PDE7B: variants seen among roughly 807,000 people sequenced by gnomAD.
PDE7B encodes the protein phosphodiesterase 7B.
In PDE7B, 29 loss-of-function variants were observed where a neutral mutation model predicts 56.2. That is an observed-to-expected ratio of 0.52 (90% CI 0.38 to 0.70). The LOEUF (loss-of-function observed/expected upper bound fraction) is 0.70. Ranked by LOEUF, PDE7B falls within the 30% of genes least tolerant of loss-of-function variation. The pLI, the probability that PDE7B is intolerant of heterozygous loss-of-function variation, is 0.00. For synonymous variants in PDE7B, 197 were observed against 196.9 expected (o/e 1.00, Z 0.00); for missense variants, 490 against 565.0 (o/e 0.87, Z 1.35).
intron 2 of PDE7B, among the ~76,000 whole-genome samples, chr6:136,045,099 GT>G (rs1562478417): frequency 2.7e-5 from 4 of 150,200 alleles, no homozygotes; most frequent in Non-Finnish European, 5.9e-5. Context: ...ACTGTGTACT[GT>G]CTTCTATCTG....
intron 10 of PDE7B, 144 bp downstream of exon 10, chr6:136,179,285 G>A: frequency 3.0e-6 from 2 of 675,378 alleles, no homozygotes; most frequent in South Asian, 3.9e-5. Flanking sequence ...AGGCTACAGT[G>A]AGCTATGATT....
intron 2 of PDE7B, among the ~76,000 whole-genome samples, chr6:136,066,556 G>A (rs1776939729): frequency 6.6e-6 from 1 of 152,144 alleles, no homozygotes; most frequent in Non-Finnish European, 1.5e-5. Flanking sequence ...AAGAATAGAT[G>A]TTCAGCCCTT....
chr6:136,060,697 A>C (rs545964075), intron 2 of PDE7B, among the ~76,000 whole-genome samples: 91 of 152,312 alleles, frequency 6.0e-4, no homozygotes, highest in African/African-American at 2.1e-3. Flanking sequence ...CTTGTCCCAG[A>C]TCACATAGCT....
At chr6:135,858,359 G>T (rs1775078197) in intron 1 of PDE7B, among the ~76,000 whole-genome samples, 1 of 152,018 alleles carries the variant, frequency 6.6e-6, no homozygotes, top group South Asian at 2.1e-4. Flanking sequence ...CACCATGTTG[G>T]CCAGGCTCGT....
intron 1 of PDE7B, among the ~76,000 whole-genome samples, chr6:135,866,952 C>G (rs1465820654): frequency 6.6e-6 from 1 of 152,108 alleles, no homozygotes; most frequent in African/African-American, 2.4e-5. Context: ...CTGTATTTAT[C>G]TGTTGCCTCT....
intron 2 of PDE7B, among the ~76,000 whole-genome samples, chr6:136,050,133 A>G (rs189051305): frequency 3.9e-3 from 601 of 152,302 alleles, no homozygotes; most frequent in Non-Finnish European, 6.1e-3. Flanking sequence ...CTTCTCTAAC[A>G]TGATAATCTC....
chr6:136,066,364 G>A (rs1776936928), intron 2 of PDE7B, among the ~76,000 whole-genome samples: 1 of 152,086 alleles, frequency 6.6e-6, no homozygotes, highest in Non-Finnish European at 1.5e-5. Flanking sequence ...AGGAGAGGTG[G>A]GATGACTCCG....
intron 2 of PDE7B, among the ~76,000 whole-genome samples, chr6:135,979,210 C>T (rs868728395): frequency 2.0e-5 from 3 of 151,730 alleles, no homozygotes; most frequent in Admixed American, 6.6e-5. Context: ...ACCAGCCTTG[C>T]ATCCCAGGGA....
Position 136,022,995 on chromosome 6 carries a change from A to AG in PDE7B, c.82+75472dup, listed in dbSNP as rs1194984006. The stretch of plus-strand genomic sequence containing the variant: ...GGAGAGAGAGAAACAGAAGGGTCTC[A>AG]GAAAAAAAAAACCAGCTCACTCTTC... On this transcript the variant is annotated intron_variant, in intron 2 of 12. Coordinates refer to ENST00000308191, the MANE Select transcript of PDE7B (RefSeq NM_018945.4). Among the ~76,000 whole-genome samples the AG allele has an allele frequency of 2.0e-5, 3 of 151,992 alleles. 1 individual carries two copies. The highest frequency in any genetic ancestry group is 4.4e-5 in the Non-Finnish European group (3 of 67,982).
intron 11 of PDE7B, among the ~76,000 whole-genome samples, chr6:136,183,518 C>T (rs2128451660): frequency 6.6e-6 from 1 of 150,388 alleles, no homozygotes; most frequent in Non-Finnish European, 1.5e-5. Context: ...ATGGCATGAA[C>T]CCGGGAGGCA....
At position 136,076,006 on chromosome 6, in the gene PDE7B, T is replaced by C. The variant is rs571960439; in HGVS notation, c.83-32725T>C. 3.3e-5 allele frequency among the ~76,000 whole-genome samples: 5 copies of C among 152,154 alleles called. No individual in the cohort carries two copies. The South Asian group carries it at 1.0e-3, about 32-fold the overall frequency. ...TACCTGCTTACCCCAAAGCCTTTGA[T>C]AGAATAACAGTAAAAAATGAATGAA... On this transcript the variant is annotated intron_variant, in intron 2 of 12. Transcript: ENST00000308191.
chr6:136,108,861 A>G (rs1777699563), intron 3 of PDE7B, 47 bp downstream of exon 3: 2 of 1,197,562 alleles, frequency 1.7e-6, no homozygotes, highest in African/African-American at 1.5e-5. Flanking sequence ...TTTCTTCAAA[A>G]AGAAAAAAAA....
intron 2 of PDE7B, among the ~76,000 whole-genome samples, chr6:136,019,770 AAAGT>A (rs1471263562): frequency 6.6e-6 from 1 of 152,232 alleles, no homozygotes; most frequent in East Asian, 1.9e-4. Context: ...TTCTTACAAT[AAAGT>A]AAGTAGAGAA....
intron 2 of PDE7B, among the ~76,000 whole-genome samples, chr6:136,085,762 A>G (rs1777281033): frequency 6.6e-6 from 1 of 152,212 alleles, no homozygotes; most frequent in African/African-American, 2.4e-5. Context: ...TCCACTTCCA[A>G]TACCGGGAAG....
chr6:136,050,864 ACCATTTTTCCTCCTT>A (rs1776610541), intron 2 of PDE7B, among the ~76,000 whole-genome samples: 1 of 152,114 alleles, frequency 6.6e-6, no homozygotes, highest in South Asian at 2.1e-4. Context: ...ATCTTTGATG[ACCATTTTTCCTCCTT>A]TATCCTCTGA....
chr6:136,057,423 A>G (rs1334741309), intron 2 of PDE7B, among the ~76,000 whole-genome samples: 1 of 152,192 alleles, frequency 6.6e-6, no homozygotes, highest in Non-Finnish European at 1.5e-5. Context: ...TTATACATCA[A>G]AGTATACAAT....
intron 2 of PDE7B, among the ~76,000 whole-genome samples, chr6:136,081,435 C>G (rs1160164751): frequency 6.6e-6 from 1 of 152,152 alleles, no homozygotes; most frequent in African/African-American, 2.4e-5. Flanking sequence ...AAAACATAAA[C>G]TAGTATTTTA....
At chr6:135,959,023 C>A (rs1034256469) in intron 2 of PDE7B, among the ~76,000 whole-genome samples, 1 of 152,266 alleles carries the variant, frequency 6.6e-6, no homozygotes, top group Admixed American at 6.5e-5. Flanking sequence ...TTGTAGTCAA[C>A]ATTTTTTACA....
chr6:135,964,400 C>T (rs933346367), intron 2 of PDE7B, among the ~76,000 whole-genome samples: 4 of 151,824 alleles, frequency 2.6e-5, no homozygotes, highest in Admixed American at 6.6e-5. Flanking sequence ...CCACCATGCC[C>T]GTCCCTCTGG....
Sources: allele counts gnomAD v4.1 joint callset (sites outside exome capture counted in the v4.1 genomes callset), GRCh38; gene constraint gnomAD v4.1.1; transcripts MANE v1.5; gene names NCBI Gene and HGNC (gene_info 2026-07-23, HGNC 2026-07-21).